SYBU: variants seen among roughly 807,000 people sequenced by gnomAD.
SYBU encodes the protein syntabulin.
In SYBU, 21 loss-of-function variants were observed where a neutral mutation model predicts 35.9. The ratio of observed to expected loss-of-function variants is 0.58; its 90% confidence interval spans 0.41 to 0.84. The LOEUF (loss-of-function observed/expected upper bound fraction) is 0.84, where lower values mean the gene tolerates loss of function less well. SYBU is among the 40% of genes least tolerant of loss of function. The pLI is 0.00. For synonymous variants in SYBU, 319 were observed against 324.3 expected (o/e 0.98, Z 0.18); for missense variants, 768 against 848.2 (o/e 0.91, Z 1.17).
rs954713147 is a variant in SYBU, at chr8:109,586,125, G to A, written c.465C>T (p.Gly155=). ...TATGGACCTCAGGAGCGGAAATGCT[G>A]CCTGTGCTGCTCGAGGAGCTAAAAT... The part of the protein sequence containing the change: ...EADFSSSSST[G]SISAPEVHMS... Residue 155 remains glycine, a synonymous_variant, in exon 4 of 7, where the codon GGC becomes GGT. Transcript: ENST00000276646. 2 of 1,611,436 alleles carry A rather than the reference G, an allele frequency of 1.2e-6. No homozygotes were observed. The highest frequency in any genetic ancestry group is 2.7e-5 in the African/African-American group (2 of 74,868).
chr8:109,615,739 C>T (rs1020949061), intron 3 of SYBU, among the ~76,000 whole-genome samples: 6 of 151,980 alleles, frequency 3.9e-5, no homozygotes, highest in Non-Finnish European at 8.8e-5. Context: ...TTAACAAAAG[C>T]GGTTGTTTGA....
chr8:109,659,664 T>C (rs1281305001), intron 1 of SYBU, among the ~76,000 whole-genome samples: 1 of 152,170 alleles, frequency 6.6e-6, no homozygotes, highest in African/African-American at 2.4e-5. Context: ...TCTCCCACAC[T>C]AAGAACAATT....
At chr8:109,610,748 C>T (rs1174437307) in intron 3 of SYBU, among the ~76,000 whole-genome samples, 2 of 152,208 alleles carry the variant, frequency 1.3e-5, no homozygotes, top group Non-Finnish European at 2.9e-5. Flanking sequence ...ACAGTGAGGT[C>T]CAGGTATTTA....
intron 2 of SYBU, among the ~76,000 whole-genome samples, chr8:109,628,816 G>A (rs943379837): frequency 2.7e-5 from 4 of 147,444 alleles, no homozygotes; most frequent in African/African-American, 5.3e-5. Flanking sequence ...AGTGACATCC[G>A]TCTCAAAAAA....
intron 1 of SYBU, among the ~76,000 whole-genome samples, chr8:109,672,358 C>G (rs1410375541): frequency 6.6e-6 from 1 of 152,126 alleles, no homozygotes; most frequent in Non-Finnish European, 1.5e-5. Context: ...GCTGGTTAGA[C>G]AGTGGGTGCA....
chr8:109,638,160 G>A (rs1814439347), intron 2 of SYBU, among the ~76,000 whole-genome samples: 1 of 152,156 alleles, frequency 6.6e-6, no homozygotes, highest in South Asian at 2.1e-4. Flanking sequence ...GCGCCCCAAG[G>A]AGAACTAGCT....
intron 1 of SYBU, among the ~76,000 whole-genome samples, chr8:109,665,653 G>A (rs541637179): frequency 1.1e-3 from 174 of 152,212 alleles, no homozygotes; most frequent in Middle Eastern, 3.4e-3. Flanking sequence ...ATGAGTTAAC[G>A]GTCAGTGCAT....
intron 2 of SYBU, among the ~76,000 whole-genome samples, chr8:109,632,630 T>C (rs958579837): frequency 3.3e-5 from 5 of 149,632 alleles, no homozygotes; most frequent in African/African-American, 5.0e-5. Flanking sequence ...ATTTATATCA[T>C]GGAATTTACT....
chr8:109,663,785 A>AT (rs1441715986), intron 1 of SYBU, among the ~76,000 whole-genome samples: 3 of 151,972 alleles, frequency 2.0e-5, no homozygotes, highest in African/African-American at 4.8e-5. Flanking sequence ...TGCCAGTGGT[A>AT]TTTTTTGGCT....
intron 1 of SYBU, among the ~76,000 whole-genome samples, chr8:109,663,494 A>C (rs1586973074): frequency 6.6e-6 from 1 of 152,270 alleles, no homozygotes; most frequent in Admixed American, 6.5e-5. Flanking sequence ...GTATAATGGT[A>C]ATGAATCAAT....
chr8:109,605,353 T>A (rs1185769074), intron 3 of SYBU, among the ~76,000 whole-genome samples: 1 of 152,200 alleles, frequency 6.6e-6, no homozygotes, highest in African/African-American at 2.4e-5. Flanking sequence ...CTGAGTGATA[T>A]TGCATCTGAA....
At chr8:109,653,579 G>A (rs1327654064) in intron 1 of SYBU, among the ~76,000 whole-genome samples, 9 of 152,160 alleles carry the variant, frequency 5.9e-5, no homozygotes, top group African/African-American at 1.4e-4. Flanking sequence ...GCATGCTCTT[G>A]CTTTTCACCT....
At position 109,591,666 on chromosome 8, in the gene SYBU, CA is replaced by C. The variant is rs367732094; in HGVS notation, c.428-5505del. Reference sequence around the variant, plus strand: ...AGCTGGGACTACAGGCGCCCGCCACCACGCCCGGCTAATTTTTTTGTATTTT... The same window carrying C: ...AGCTGGGACTACAGGCGCCCGCCACCCGCCCGGCTAATTTTTTTGTATTTT... On this transcript the variant is annotated intron_variant, in intron 3 of 6. Coordinates refer to ENST00000276646, the MANE Select transcript of SYBU (RefSeq NM_001099754.2). Among the ~76,000 whole-genome samples, 322 of 150,770 alleles carry C rather than the reference CA, an allele frequency of 2.1e-3. 3 individuals carry two copies. Among genetic ancestry groups the C allele is most frequent in the African/African-American group, 7.6e-3 (310 of 40,960 alleles).
At chr8:109,671,421 CTTT>C (rs1183869045) in intron 1 of SYBU, among the ~76,000 whole-genome samples, 1 of 152,090 alleles carries the variant, frequency 6.6e-6, no homozygotes, top group African/African-American at 2.4e-5. Context: ...CTCAAAGAGC[CTTT>C]TTCAGTGGGG....
chr8:109,663,166 A>T (rs1407837321), intron 1 of SYBU, among the ~76,000 whole-genome samples: 1 of 152,198 alleles, frequency 6.6e-6, no homozygotes, highest in Admixed American at 6.5e-5. Context: ...AATGAATTAT[A>T]TCAAGCACAA....
Position 109,575,236 on chromosome 8 carries a change from C to A in SYBU, c.1662G>T (p.Leu554Phe). 1 of 1,614,198 alleles carries A rather than the reference C, an allele frequency of 6.2e-7. No homozygotes were observed. The highest frequency in any genetic ancestry group is 8.5e-7 in the Non-Finnish European group (1 of 1,180,042). Residue 554 changes from leucine to phenylalanine, a missense_variant, in exon 7 of 7, where the codon TTG (leucine) becomes TTT (phenylalanine). By Grantham distance (22) the Leu-to-Phe change is conservative (BLOSUM62 0). Transcript: ENST00000276646. ...TGGCGTAGGGGGTCTCCACGGGAGA[C>A]AAAAGGATGGCTGAGTTTGGATTTC... ...TPRNPNSAIL[L>F]SPVETPYANV...
At chr8:109,605,979 C>T (rs1826030159) in intron 3 of SYBU, among the ~76,000 whole-genome samples, 1 of 152,166 alleles carries the variant, frequency 6.6e-6, no homozygotes, top group Admixed American at 6.5e-5. Flanking sequence ...TGGTATCTTA[C>T]CCATTTTGTT....
At chr8:109,580,820 C>G (rs1822945721) in intron 4 of SYBU, 1 of 152,594 alleles carries the variant, frequency 6.6e-6, no homozygotes, top group Non-Finnish European at 1.5e-5. Flanking sequence ...CAACCCCATC[C>G]TCCACCACTC....
intron 3 of SYBU, chr8:109,607,829 C>CACACACACAT: frequency 1.3e-6 from 1 of 741,688 alleles, no homozygotes; most frequent in South Asian, 1.7e-5. Flanking sequence ...CACACACACA[C>CACACACACAT]ACACACACAC....
Sources: allele counts gnomAD v4.1 joint callset (sites outside exome capture counted in the v4.1 genomes callset), GRCh38; gene constraint gnomAD v4.1.1; transcripts MANE v1.5; gene names NCBI Gene and HGNC (gene_info 2026-07-23, HGNC 2026-07-21).